ANK3: variants seen among roughly 807,000 people sequenced by gnomAD.
ANK3 encodes the protein ankyrin 3.
In ANK3, 57 loss-of-function variants were observed where a neutral mutation model predicts 370.9. The observed-to-expected ratio is 0.15, with a 90% confidence interval of 0.12 to 0.19. The LOEUF is 0.19. ANK3 is among the 10% of genes least tolerant of loss of function. The pLI is 1.00. For synonymous variants in ANK3, 1,929 were observed against 1,946.3 expected, an observed-to-expected ratio of 0.99 and a Z score of 0.23; for missense variants, 4,439 against 5,302.1, an observed-to-expected ratio of 0.84 and a Z score of 5.06.
chr10:60,246,214 C>T (rs113898743), intron 7 of ANK3, among the ~76,000 whole-genome samples: 128 of 136,422 alleles, frequency 9.4e-4, no homozygotes, highest in African/African-American at 3.5e-3. Flanking sequence ...TGAGATTGTG[C>T]CACTGCACGC....
intron 2 of ANK3, among the ~76,000 whole-genome samples, chr10:60,590,099 A>T (rs893488238): frequency 2.6e-5 from 4 of 152,184 alleles, no homozygotes; most frequent in African/African-American, 9.7e-5. Context: ...CCAGGTGAGG[A>T]TCTGAGAATA....
intron 28 of ANK3, among the ~76,000 whole-genome samples, chr10:60,099,772 C>A (rs1282715108): frequency 2.0e-5 from 3 of 152,144 alleles, no homozygotes; most frequent in African/African-American, 7.2e-5. Context: ...GAATCAATAA[C>A]CTCGCATGAG....
At chr10:60,325,322 C>T (rs2049577781) in intron 1 of ANK3, among the ~76,000 whole-genome samples, 1 of 152,154 alleles carries the variant, frequency 6.6e-6, no homozygotes, top group Admixed American at 6.5e-5. Context: ...GAGAAGATTA[C>T]ATCTCTCTGC....
intron 2 of ANK3, among the ~76,000 whole-genome samples, chr10:60,465,717 A>C (rs2064994317): frequency 6.6e-6 from 1 of 152,078 alleles, no homozygotes; most frequent in South Asian, 2.1e-4. Flanking sequence ...TCAATAGTAA[A>C]ACTTGACAGA....
intron 23 of ANK3, chr10:60,140,163 C>G (rs1327001509): frequency 1.6e-6 from 1 of 611,088 alleles, no homozygotes; most frequent in African/African-American, 1.9e-5. Flanking sequence ...TTTAAACTAC[C>G]AATCAAGTCT....
intron 1 of ANK3, among the ~76,000 whole-genome samples, chr10:60,687,919 G>A (rs2079292549): frequency 6.6e-6 from 1 of 152,174 alleles, no homozygotes; most frequent in Non-Finnish European, 1.5e-5. Flanking sequence ...CAACATGGAT[G>A]GGCCTGGAGG....
chr10:60,324,588 G>A (rs1472558848), intron 1 of ANK3, among the ~76,000 whole-genome samples: 3 of 152,064 alleles, frequency 2.0e-5, no homozygotes, highest in Non-Finnish European at 4.4e-5. Flanking sequence ...GAACATTTGT[G>A]GTAAATGGCC....
At chr10:60,395,626 C>CTTTCGT (rs60896139) in intron 2 of ANK3, among the ~76,000 whole-genome samples, 1,503 of 70,020 alleles carry the variant, frequency 0.021, 9 homozygotes, top group Middle Eastern at 0.036. Flanking sequence ...CGTTCTCTCT[C>CTTTCGT]TCTCTCTCTC....
chr10:60,479,321 A>C (rs1246114124), intron 2 of ANK3, among the ~76,000 whole-genome samples: 1 of 152,164 alleles, frequency 6.6e-6, no homozygotes. Flanking sequence ...TTGTGCTACA[A>C]CTACCTACAG....
Position 60,389,572 on chromosome 10 carries a change from G to A in ANK3, c.-34C>T, listed in dbSNP as rs774135424. The A allele has an allele frequency of 5.0e-6, 8 of 1,609,036 alleles. No homozygotes were observed. Among genetic ancestry groups the A allele is most frequent in the Middle Eastern group, 1.7e-4 (1 of 6,020 alleles). ...TAAAAAGATCCTCTCAAGCACACAC[G>A]GCTTCCTTGTAAAAGGTGATATCCT... On this transcript the variant is annotated 5_prime_UTR_variant, in exon 1 of 44. Coordinates refer to ENST00000280772, the MANE Select transcript of ANK3 (RefSeq NM_020987.5).
chr10:60,600,582 T>C (rs1383564787), intron 2 of ANK3, among the ~76,000 whole-genome samples: 2 of 152,196 alleles, frequency 1.3e-5, no homozygotes, highest in African/African-American at 4.8e-5. Flanking sequence ...TGTCTCCCAC[T>C]AGAAATATGA....
At chr10:60,048,427 T>C (rs2077301396) in intron 42 of ANK3, among the ~76,000 whole-genome samples, 1 of 152,212 alleles carries the variant, frequency 6.6e-6, no homozygotes, top group African/African-American at 2.4e-5. Context: ...CAAAAAGGAA[T>C]ACTTTTTCAT....
intron 2 of ANK3, among the ~76,000 whole-genome samples, chr10:60,458,631 C>A (rs1205979071): frequency 6.6e-6 from 1 of 151,998 alleles, no homozygotes; most frequent in African/African-American, 2.4e-5. Flanking sequence ...TGTGAACTTG[C>A]AATATTATTT....
intron 2 of ANK3, among the ~76,000 whole-genome samples, chr10:60,535,583 G>T (rs2076706272): frequency 6.6e-6 from 1 of 152,014 alleles, no homozygotes; most frequent in African/African-American, 2.4e-5. Flanking sequence ...AGGAGGGGCT[G>T]TAATTTCTTG....
chr10:60,351,016 G>A (rs2056753279), intron 1 of ANK3, among the ~76,000 whole-genome samples: 1 of 137,336 alleles, frequency 7.3e-6, no homozygotes, highest in Non-Finnish European at 1.6e-5. Flanking sequence ...ATACCATTCA[G>A]GGGGCATATA....
At chr10:60,623,420 T>C (rs1033178415) in intron 1 of ANK3, among the ~76,000 whole-genome samples, 1 of 152,090 alleles carries the variant, frequency 6.6e-6, no homozygotes, top group African/African-American at 2.4e-5. Flanking sequence ...GGAGTTTGAA[T>C]GGGCAAGGAC....
At chr10:60,445,823 A>T (rs771472715) in intron 2 of ANK3, among the ~76,000 whole-genome samples, 1 of 152,228 alleles carries the variant, frequency 6.6e-6, no homozygotes, top group Admixed American at 6.5e-5. Context: ...GCCTGTTACC[A>T]GCATGTCAAT....
intron 28 of ANK3, among the ~76,000 whole-genome samples, chr10:60,090,772 T>C (rs1291644031): frequency 6.6e-6 from 1 of 152,240 alleles, no homozygotes; most frequent in African/African-American, 2.4e-5. Context: ...CATCTTGTTA[T>C]CAGAGAAAAA....
intron 2 of ANK3, among the ~76,000 whole-genome samples, chr10:60,405,516 G>A (rs2063436965): frequency 6.6e-6 from 1 of 152,116 alleles, no homozygotes; most frequent in African/African-American, 2.4e-5. Context: ...GACTGGGAAG[G>A]GAGAAAATTT....
Sources: allele counts gnomAD v4.1 joint callset (sites outside exome capture counted in the v4.1 genomes callset), GRCh38; gene constraint gnomAD v4.1.1; transcripts MANE v1.5; gene names NCBI Gene and HGNC (gene_info 2026-07-23, HGNC 2026-07-21).